The following IL19 variants were observed in gnomAD, a reference collection of about 807,000 sequenced individuals.
IL19 encodes the protein interleukin 19.
In IL19, 15 loss-of-function variants were observed where a neutral mutation model predicts 19.5. The ratio of observed to expected loss-of-function variants is 0.77; its 90% CI spans 0.52 to 1.19. The LOEUF (loss-of-function observed/expected upper bound fraction) is 1.19, where lower values mean the gene tolerates loss of function less well. IL19 is among the 50% of genes most tolerant of loss of function. IL19 has a pLI of 0.00. For synonymous variants in IL19, 78 were observed against 78.3 expected (o/e 1.00, Z 0.02); for missense variants, 199 against 213.1 (o/e 0.93, Z 0.41).
chr1:206,820,856 C>T (rs1314520177), intron 2 of IL19, among the ~76,000 whole-genome samples: 1 of 152,172 alleles, frequency 6.6e-6, no homozygotes, highest in Non-Finnish European at 1.5e-5. Flanking sequence ...ACATGTGTTT[C>T]CCACAATGTG....
rs535545567 is a variant in IL19, at chr1:206,819,225, C to T, written c.-2-17436C>T. The stretch of plus-strand genomic sequence containing the variant: ...AGCATTTCTTAACATCATCTTAACC[C>T]ACACTGTTCAATATAATAACCTACT... On this transcript the variant is annotated intron_variant, in intron 2 of 6. Coordinates refer to ENST00000659997, the MANE Select transcript of IL19 (RefSeq NM_153758.5). Among the ~76,000 whole-genome samples the T allele has an allele frequency of 1.2e-4, 19 of 152,220 alleles. No individual in the cohort carries two copies. The South Asian group carries it at 3.9e-3, about 32-fold the overall frequency.
At chr1:206,804,858 G>A (rs1368204472) in intron 2 of IL19, among the ~76,000 whole-genome samples, 1 of 152,208 alleles carries the variant, frequency 6.6e-6, no homozygotes, top group Admixed American at 6.5e-5. Context: ...ATCTTTCAAG[G>A]ATAGAATGGG....
rs2243162 is a variant in IL19 at position 206,834,774 on chromosome 1, T to C, written c.-2-1887T>C. Among the ~76,000 whole-genome samples, 350 of 152,280 alleles carry C rather than the reference T, an allele frequency of 2.3e-3. 1 individual carries two copies. Among genetic ancestry groups the C allele is most frequent in the African/African-American group, 8.3e-3 (344 of 41,550 alleles). ...GGAGCATCACTGGTTCAGAAATGGG[T>C]TCCTGTCTGTCTGGTGTCAGGGGAG... On this transcript the variant is annotated intron_variant, in intron 2 of 6. Coordinates refer to ENST00000659997, the MANE Select transcript of IL19 (RefSeq NM_153758.5).
chr1:206,795,135 G>A (rs1675493560), intron 1 of IL19, among the ~76,000 whole-genome samples: 1 of 152,124 alleles, frequency 6.6e-6, no homozygotes, highest in South Asian at 2.1e-4. Context: ...CAGACACAAG[G>A]GCCAGCTGGA....
intron 2 of IL19, among the ~76,000 whole-genome samples, chr1:206,815,586 C>T (rs905621445): frequency 2.0e-5 from 3 of 152,020 alleles, no homozygotes; most frequent in Non-Finnish European, 4.4e-5. Context: ...TAGGTCAATC[C>T]TACCTGATTA....
chr1:206,813,886 C>T (rs1258112062), intron 2 of IL19, among the ~76,000 whole-genome samples: 3 of 152,108 alleles, frequency 2.0e-5, no homozygotes, highest in Non-Finnish European at 4.4e-5. Context: ...ACCTGAAGAG[C>T]AAAAACTGAG....
chr1:206,795,925 ATATGTGTGTGTGTGTGTG>A (rs1675511015), intron 1 of IL19, among the ~76,000 whole-genome samples: 1 of 132,244 alleles, frequency 7.6e-6, no homozygotes. Context: ...ATAAATATAT[ATATGTGTGTGTGTGTGTG>A]TGTGTGTGTG....
intron 1 of IL19, among the ~76,000 whole-genome samples, chr1:206,777,480 A>G (rs1675040524): frequency 6.6e-6 from 1 of 151,842 alleles, no homozygotes; most frequent in Admixed American, 6.6e-5. Flanking sequence ...TTCTTGGTGT[A>G]GTTACCCCAT....
intron 1 of IL19, among the ~76,000 whole-genome samples, chr1:206,786,131 G>C (rs1675264837): frequency 6.6e-6 from 1 of 152,074 alleles, no homozygotes; most frequent in South Asian, 2.1e-4. Flanking sequence ...CTTTACCAAA[G>C]ATACCCTATC....
intron 2 of IL19, among the ~76,000 whole-genome samples, chr1:206,816,248 A>G (rs1676152358): frequency 6.6e-6 from 1 of 152,246 alleles, no homozygotes; most frequent in Non-Finnish European, 1.5e-5. Context: ...AGGGCACTGG[A>G]AATGGTACTA....
At chr1:206,774,144 G>A (rs943023355) in intron 1 of IL19, among the ~76,000 whole-genome samples, 6 of 152,246 alleles carry the variant, frequency 3.9e-5, no homozygotes, top group African/African-American at 1.4e-4. Flanking sequence ...TGAAGTGAGT[G>A]GGAGGGAGGG....
intron 6 of IL19, among the ~76,000 whole-genome samples, chr1:206,842,102 A>G (rs1387941531): frequency 6.6e-6 from 1 of 152,180 alleles, no homozygotes; most frequent in East Asian, 1.9e-4. Context: ...GTGCTCTAAT[A>G]TGTCAAATGA....
intron 1 of IL19, among the ~76,000 whole-genome samples, chr1:206,785,382 C>G (rs558305770): frequency 6.6e-6 from 1 of 152,208 alleles, no homozygotes; most frequent in South Asian, 2.1e-4. Context: ...TTTACGAAAT[C>G]ACCAGCAACT....
chr1:206,778,333 G>A (rs1675057094), intron 1 of IL19, among the ~76,000 whole-genome samples: 1 of 152,178 alleles, frequency 6.6e-6, no homozygotes, highest in Admixed American at 6.5e-5. Flanking sequence ...CAGGGACCAG[G>A]ACACCAGGTG....
chr1:206,812,677 C>T (rs1676043515), intron 2 of IL19, among the ~76,000 whole-genome samples: 1 of 152,132 alleles, frequency 6.6e-6, no homozygotes, highest in Admixed American at 6.5e-5. Context: ...ATGGATTACC[C>T]CACCACATAA....
Position 206,836,662 on chromosome 1 carries a change from C to T in IL19, c.-1C>T, listed in dbSNP as rs1388907768. 1 of 1,600,854 alleles carries T rather than the reference C, an allele frequency of 6.2e-7. No individual in the cohort carries two copies. Among genetic ancestry groups the T allele is most frequent in the Non-Finnish European group, 8.5e-7 (1 of 1,173,672 alleles). On this transcript the variant is annotated splice_region_variant and 5_prime_UTR_variant, in exon 3 of 7. Coordinates refer to ENST00000659997, the MANE Select transcript of IL19 (RefSeq NM_153758.5). The stretch of plus-strand genomic sequence containing the variant: ...GCTGACTTCCTCTCCTTTCTGCAGG[C>T]ATGAAGTTACAGTGTGTTTCCCTTT...
intron 1 of IL19, among the ~76,000 whole-genome samples, chr1:206,771,750 C>G (rs1418209396): frequency 1.3e-5 from 2 of 152,234 alleles, no homozygotes; most frequent in Non-Finnish European, 2.9e-5. Context: ...GAGCCCCCCT[C>G]ATGTCCTGTT....
chr1:206,830,208 A>G (rs6660520), intron 2 of IL19, among the ~76,000 whole-genome samples: 110,382 of 151,872 alleles, frequency 0.73, 40,819 homozygotes, highest in Non-Finnish European at 0.8. Flanking sequence ...GGTGCCATGG[A>G]GGGCTGGTTC....
chr1:206,829,396 G>C (rs1362051254), intron 2 of IL19, among the ~76,000 whole-genome samples: 2 of 152,152 alleles, frequency 1.3e-5, no homozygotes, highest in Non-Finnish European at 2.9e-5. Flanking sequence ...GAGAGGAAAG[G>C]AAGAGGGGAG....
Sources: gnomAD v4.1 joint callset for allele counts (sites outside exome capture counted in the v4.1 genomes callset) on GRCh38, gnomAD v4.1.1 for gene constraint, MANE v1.5 for transcripts, NCBI Gene and HGNC (gene_info 2026-07-23, HGNC 2026-07-21) for gene names.